EPB41: variants seen among roughly 807,000 people sequenced by gnomAD.
EPB41 encodes the protein protein 4.1.
A neutral mutation model predicts 108.0 loss-of-function variants in EPB41; 65 were observed. The observed-to-expected ratio is 0.60, with a 90% CI of 0.49 to 0.74. The LOEUF (loss-of-function observed/expected upper bound fraction) is 0.74, where lower values mean the gene tolerates loss of function less well. Ranked by LOEUF, EPB41 falls within the 30% of genes least tolerant of loss-of-function variation. The pLI, the probability that EPB41 is intolerant of heterozygous loss-of-function variation, is 0.00. For missense variants in EPB41, 875 were observed against 1,037.0 expected, an observed-to-expected ratio of 0.84 and a Z score of 2.15; for synonymous variants, 336 against 358.9, an observed-to-expected ratio of 0.94 and a Z score of 0.72.
chr1:29,024,610 C>T (rs2096695147), intron 7 of EPB41, among the ~76,000 whole-genome samples: 1 of 151,406 alleles, frequency 6.6e-6, no homozygotes, highest in Non-Finnish European at 1.5e-5. Flanking sequence ...CCCAGCTGGG[C>T]GACAGAGCGA....
intron 11 of EPB41, among the ~76,000 whole-genome samples, chr1:29,039,773 C>T (rs1640799519): frequency 6.6e-6 from 1 of 152,126 alleles, no homozygotes; most frequent in African/African-American, 2.4e-5. Flanking sequence ...GAGATCATGC[C>T]GTTGCACTCC....
At chr1:28,904,406 T>C (rs1317317308) in intron 1 of EPB41, among the ~76,000 whole-genome samples, 2 of 152,092 alleles carry the variant, frequency 1.3e-5, no homozygotes, top group East Asian at 3.9e-4. Context: ...AAATCATACT[T>C]AGTGTAGTAT....
At chr1:29,019,719 TG>T (rs1297310871) in intron 7 of EPB41, among the ~76,000 whole-genome samples, 1 of 152,146 alleles carries the variant, frequency 6.6e-6, no homozygotes, top group Non-Finnish European at 1.5e-5. Flanking sequence ...TTGTTCTCCT[TG>T]GGGTAGTTGG....
chr1:28,965,270 A>T (rs932003053), intron 1 of EPB41, among the ~76,000 whole-genome samples: 4 of 151,906 alleles, frequency 2.6e-5, no homozygotes, highest in Admixed American at 1.3e-4. Flanking sequence ...TGGGGAAAAA[A>T]CCTTTTTTTG....
intron 16 of EPB41, among the ~76,000 whole-genome samples, chr1:29,079,237 T>A (rs894613033): frequency 6.6e-5 from 10 of 152,038 alleles, no homozygotes; most frequent in South Asian, 4.1e-4. Flanking sequence ...TCTCAGGTGA[T>A]CTGCCCGCCT....
intron 3 of EPB41, among the ~76,000 whole-genome samples, chr1:28,994,633 TTTTATTTA>T (rs71586878): frequency 0.13 from 17,521 of 139,584 alleles, 1,327 homozygotes; most frequent in East Asian, 0.35. Context: ...GAACAAACTA[TTTTATTTA>T]TTTATTTATT....
At chr1:29,045,807 TAAAAA>T (rs201526339) in intron 11 of EPB41, among the ~76,000 whole-genome samples, 2 of 103,774 alleles carry the variant, frequency 1.9e-5, no homozygotes, top group African/African-American at 3.5e-5. Context: ...ACCCTGTCTC[TAAAAA>T]AAAAAAAAAA....
chr1:29,015,578 G>GAAA (rs11433402), intron 5 of EPB41, 114 bp from the exon 6 acceptor site: 57 of 620,348 alleles, frequency 9.2e-5, no homozygotes, highest in African/African-American at 1.4e-4. Flanking sequence ...CCGTCTCAAA[G>GAAA]AAAAAAAAAA....
At position 28,987,616 on chromosome 1, in the gene EPB41, C is replaced by T. The variant is rs2095898342; in HGVS notation, c.179C>T (p.Thr60Ile). ...AAGCTGAAAGCTTCTAATGGAGACACTCCTACACATGAAGACTTGACCAAG... is the reference window on the plus strand; with the variant it reads ...AAGCTGAAAGCTTCTAATGGAGACATTCCTACACATGAAGACTTGACCAAG... ...EQKLKASNGD[T>I]PTHEDLTKNK... The change falls in exon 2 of 21, where the codon ACT becomes ATT. Residue 60 changes from threonine (T) to isoleucine (I), a missense_variant. Physicochemically the swap from Thr to Ile is moderately conservative, Grantham distance 89. This residue lies in a region of EPB41 where 353 missense variants were observed against 393.2 expected (regional missense o/e 0.90). Coordinates refer to ENST00000343067, the MANE Select transcript of EPB41 (RefSeq NM_001376013.1). 5 of 1,614,232 alleles carry T rather than the reference C, an allele frequency of 3.1e-6. No homozygotes were observed. The highest frequency in any genetic ancestry group is 1.3e-5 in the African/African-American group (1 of 75,044).
At chr1:29,080,765 T>C (rs1304514502) in intron 16 of EPB41, among the ~76,000 whole-genome samples, 3 of 152,244 alleles carry the variant, frequency 2.0e-5, no homozygotes, top group Non-Finnish European at 2.9e-5. Flanking sequence ...TTTGCTCTAA[T>C]ACTTAGCTGA....
intron 13 of EPB41, 59 bp downstream of exon 13, chr1:29,058,704 T>G: frequency 6.4e-7 from 1 of 1,566,676 alleles, no homozygotes; most frequent in Non-Finnish European, 8.7e-7. Context: ...TTTTTTCTTC[T>G]CCCTTACTCC....
rs946839141 is a variant in EPB41, at chr1:28,914,604, C to T, written c.-172C>T. The T allele has an allele frequency of 1.3e-5, 2 of 151,806 alleles. No individual in the cohort carries two copies. Among genetic ancestry groups the T allele is most frequent in the African/African-American group, 2.4e-5 (1 of 41,450 alleles). The allele number at this position is 151,806 out of a possible 1,614,324, so 9.4% of individuals were successfully genotyped here. ...CGGGAGGGCGCGCGCCAGGGTCGCT[C>T]GCTCGCTCCCTCCCTCCGCTGGTGC... On this transcript the variant is annotated 5_prime_UTR_variant, in exon 1 of 21. Transcript: ENST00000343067.
intron 7 of EPB41, among the ~76,000 whole-genome samples, chr1:29,022,345 A>G (rs2096656237): frequency 1.3e-5 from 2 of 148,932 alleles, no homozygotes; most frequent in Admixed American, 1.4e-4. Context: ...ATTGAAAATT[A>G]TCTTTAAGAA....
chr1:29,098,433 G>C (rs1224692003), intron 17 of EPB41, among the ~76,000 whole-genome samples: 2 of 152,182 alleles, frequency 1.3e-5, no homozygotes, highest in Admixed American at 1.3e-4. Context: ...CTGACCTCGT[G>C]ATCCGCCTGT....
intron 1 of EPB41, among the ~76,000 whole-genome samples, chr1:28,936,586 T>G (rs2094039264): frequency 6.6e-6 from 1 of 152,180 alleles, no homozygotes; most frequent in Non-Finnish European, 1.5e-5. Context: ...GCAATCACCA[T>G]TCTTTCTGTT....
chr1:28,908,289 C>CTGT (rs1181469051), intron 1 of EPB41, among the ~76,000 whole-genome samples: 1 of 150,918 alleles, frequency 6.6e-6, no homozygotes, highest in Non-Finnish European at 1.5e-5. Context: ...GTAATCCCAG[C>CTGT]TGCTCGGGAG....
Position 29,018,523 on chromosome 1 carries a change from CTA to C in EPB41, c.1124+82_1124+83del. ...AACATGGTATTGGTTCATTGTTTGC[CTA>C]AGAGGGATCATGGTGCCATAGAAAG... On this transcript the variant is annotated intron_variant, in intron 7 of 20. Transcript: ENST00000343067. This position sits in a 1 kb window ranked among gnomAD's most constrained non-coding sequence, Gnocchi z 4.4. 1 of 1,348,994 alleles carries C rather than the reference CTA, an allele frequency of 7.4e-7. No homozygotes were observed. The highest frequency in any genetic ancestry group is 1.4e-5 in the African/African-American group (1 of 69,536). 83.6% of individuals were successfully genotyped at this position (1,348,994 alleles called of 1,614,324 possible). A position where few individuals can be genotyped will look rare whatever the true frequency, so the allele number is the denominator to read the frequency against.
At chr1:29,103,156 G>A (rs76143229) in intron 17 of EPB41, among the ~76,000 whole-genome samples, 3,935 of 152,150 alleles carry the variant, frequency 0.026, 187 homozygotes, top group African/African-American at 0.089. Context: ...TAGTCAGCCC[G>A]CCTCGACCTC....
At chr1:29,033,600 A>C (rs1386351005) in intron 9 of EPB41, among the ~76,000 whole-genome samples, 6 of 152,202 alleles carry the variant, frequency 3.9e-5, no homozygotes, top group Non-Finnish European at 8.8e-5. Context: ...CATGTTTGGC[A>C]TCACCAATCC....
Sources: allele counts gnomAD v4.1 joint callset (sites outside exome capture counted in the v4.1 genomes callset), GRCh38; gene constraint gnomAD v4.1.1; regional missense constraint gnomAD v4.1.1; non-coding constraint Gnocchi (gnomAD v3.1); transcripts MANE v1.5; gene names NCBI Gene and HGNC (gene_info 2026-07-23, HGNC 2026-07-21).